Variants in ATP9B observed in about 807,000 individuals in gnomAD.
The protein encoded by ATP9B is ATPase phospholipid transporting 9B.
ATP9B carries 110 observed loss-of-function variants against 146.1 expected under a neutral mutation model. The observed-to-expected ratio is 0.75, with a 90% CI of 0.65 to 0.88. The LOEUF (loss-of-function observed/expected upper bound fraction) is 0.88. ATP9B is among the 40% of genes least tolerant of loss of function. ATP9B has a pLI of 0.00. For missense variants in ATP9B, 1,499 were observed against 1,496.4 expected, an observed-to-expected ratio of 1.00 and a Z score of -0.03; for synonymous variants, 604 against 569.7, an observed-to-expected ratio of 1.06 and a Z score of -0.86.
intron 5 of ATP9B, among the ~76,000 whole-genome samples, chr18:79,139,992 C>A (rs543686983): frequency 6.6e-6 from 1 of 152,138 alleles, no homozygotes; most frequent in Non-Finnish European, 1.5e-5. Context: ...TTAGTGGATA[C>A]TCAGATATTT....
intron 19 of ATP9B, among the ~76,000 whole-genome samples, chr18:79,339,209 A>G (rs955782937): frequency 8.4e-5 from 8 of 95,668 alleles, no homozygotes; most frequent in Admixed American, 8.3e-4. Context: ...TATCATATCC[A>G]TCTGAGATCA....
intron 6 of ATP9B, among the ~76,000 whole-genome samples, chr18:79,147,664 G>A (rs986146775): frequency 6.6e-6 from 1 of 152,034 alleles, no homozygotes; most frequent in Non-Finnish European, 1.5e-5. Context: ...AGTGGGATGC[G>A]TGTAAGGGCA....
At chr18:79,168,806 A>G (rs563719115) in intron 7 of ATP9B, among the ~76,000 whole-genome samples, 6 of 152,160 alleles carry the variant, frequency 3.9e-5, no homozygotes, top group South Asian at 2.1e-4. Flanking sequence ...TAGGAGTGCT[A>G]TGTCTGTTTC....
rs560683863 is a variant in ATP9B at position 79,303,827 on chromosome 18, T to C, written c.1524+111T>C. The C allele has an allele frequency of 6.2e-6, 4 of 648,922 alleles. No individual in the cohort carries two copies. In the South Asian group the frequency reaches 8.5e-5, roughly 14 times the overall value. 40.2% of individuals were successfully genotyped at this position (648,922 alleles called of 1,614,324 possible). The stretch of plus-strand genomic sequence containing the variant: ...AAATTAGCACGCTTCTTGGTGGTCT[T>C]AACATCCTGCTACTTCAGTCGTCTG... On this transcript the variant is annotated intron_variant, in intron 14 of 29. Transcript: ENST00000426216.
chr18:79,233,987 G>A (rs1454537860), intron 11 of ATP9B, among the ~76,000 whole-genome samples: 1 of 152,186 alleles, frequency 6.6e-6, no homozygotes, highest in East Asian at 1.9e-4. Flanking sequence ...TTCCAATTGA[G>A]TAGGCTGAGG....
intron 5 of ATP9B, among the ~76,000 whole-genome samples, chr18:79,128,486 A>C (rs1292188380): frequency 6.6e-6 from 1 of 152,080 alleles, no homozygotes; most frequent in Non-Finnish European, 1.5e-5. Flanking sequence ...TTCTCCATGG[A>C]GTTGAAAAAT....
rs1600483281 is a variant in ATP9B at position 79,372,199 on chromosome 18, CCCCTGCCTCCTGCCCCCTCG to C, written c.3013-625_3013-606del. ...GCTCCCCTGCCTCCTGCCCCCTCGT[CCCCTGCCTCCTGCCCCCTCG>C]TCCCCTGCCTCCTGCCCCCTCGTCC... is the stretch of plus-strand genomic sequence containing the variant. On this transcript the variant is annotated intron_variant, in intron 26 of 29. Coordinates refer to ENST00000426216, the MANE Select transcript of ATP9B (RefSeq NM_198531.5). Among the ~76,000 whole-genome samples the C allele has an allele frequency of 4.1e-5, 6 of 146,752 alleles. No individual in the cohort carries two copies. In the East Asian group the frequency reaches 1.2e-3, roughly 30 times the overall value.
At chr18:79,072,579 C>A (rs1378823574) in intron 1 of ATP9B, among the ~76,000 whole-genome samples, 1 of 117,992 alleles carries the variant, frequency 8.5e-6, no homozygotes, top group Non-Finnish European at 2.1e-5. Flanking sequence ...ACAATCTGAT[C>A]TCTCTTTCTT....
intron 17 of ATP9B, among the ~76,000 whole-genome samples, chr18:79,332,334 C>T (rs554023668): frequency 7.9e-5 from 12 of 152,308 alleles, no homozygotes; most frequent in South Asian, 2.1e-4. Flanking sequence ...GAGGCTGAGG[C>T]AGGAGAATGG....
chr18:79,343,262 C>T (rs1208681565), intron 20 of ATP9B, among the ~76,000 whole-genome samples: 1 of 152,026 alleles, frequency 6.6e-6, no homozygotes, highest in Admixed American at 6.6e-5. Context: ...GTTATAGCAC[C>T]ACAAATTAAA....
At chr18:79,185,217 A>T (rs1416829809) in intron 8 of ATP9B, among the ~76,000 whole-genome samples, 1 of 152,206 alleles carries the variant, frequency 6.6e-6, no homozygotes, top group African/African-American at 2.4e-5. Context: ...TTAAACGTGC[A>T]GTTATTGCAT....
chr18:79,299,596 T>A (rs116757520), intron 13 of ATP9B, among the ~76,000 whole-genome samples: 36 of 152,338 alleles, frequency 2.4e-4, no homozygotes, highest in African/African-American at 8.4e-4. Flanking sequence ...TGGGATTCTT[T>A]AGGAAAGGAA....
chr18:79,270,604 T>C (rs1456814051), intron 12 of ATP9B, among the ~76,000 whole-genome samples: 2 of 152,168 alleles, frequency 1.3e-5, no homozygotes, highest in East Asian at 3.9e-4. Context: ...AAACCCTAAT[T>C]TTATAGTTAT....
rs1337002961 is a variant in ATP9B, at chr18:79,307,114, T to G, written c.1653T>G (p.Cys551Trp). Residue 551 changes from cysteine (C) to tryptophan (W), a missense_variant, in exon 15 of 30, where the codon TGT (cysteine) becomes TGG (tryptophan). Physicochemically the swap from Cys to Trp is radical, Grantham distance 215. Transcript: ENST00000426216. ...IHEAVKAIVLCHNVTPVYESR... is the reference protein window; with the variant it reads ...IHEAVKAIVLWHNVTPVYESR... ...AAGCCGTGAAAGCCATCGTGCTGTGTCACAACGTGACCCCCGTGTATGAGT... is the reference window on the plus strand; with the variant it reads ...AAGCCGTGAAAGCCATCGTGCTGTGGCACAACGTGACCCCCGTGTATGAGT... The G allele has an allele frequency of 2.5e-6, 4 of 1,614,204 alleles. No homozygotes were observed. Among genetic ancestry groups the G allele is most frequent in the Non-Finnish European group, 3.4e-6 (4 of 1,180,036 alleles).
intron 26 of ATP9B, among the ~76,000 whole-genome samples, chr18:79,369,955 A>C (rs3927204): frequency 0.9 from 136,409 of 152,160 alleles, 61,309 homozygotes; most frequent in East Asian, 1. Flanking sequence ...AAAAATTAGC[A>C]GGGTGTGGTG....
At chr18:79,072,583 CTTT>C (rs1568355961) in intron 1 of ATP9B, among the ~76,000 whole-genome samples, 1 of 51,966 alleles carries the variant, frequency 1.9e-5, no homozygotes, top group Admixed American at 3.3e-4. Flanking sequence ...TCTGATCTCT[CTTT>C]CTTTTCCCGA....
intron 14 of ATP9B, among the ~76,000 whole-genome samples, chr18:79,304,109 G>A (rs903908149): frequency 6.6e-6 from 1 of 151,248 alleles, no homozygotes; most frequent in Non-Finnish European, 1.5e-5. Flanking sequence ...TTGCCTTTTC[G>A]GTAGATAAAA....
chr18:79,136,452 T>C (rs982409791), intron 5 of ATP9B, among the ~76,000 whole-genome samples: 3 of 152,188 alleles, frequency 2.0e-5, no homozygotes, highest in African/African-American at 7.2e-5. Context: ...TATTTTTTTA[T>C]GCTAGGGATT....
At chr18:79,315,148 C>T (rs1476083455) in intron 15 of ATP9B, among the ~76,000 whole-genome samples, 2 of 152,200 alleles carry the variant, frequency 1.3e-5, no homozygotes, top group Non-Finnish European at 2.9e-5. Context: ...TTGCAAGAAT[C>T]AGCTATAATT....
Sources: allele counts gnomAD v4.1 joint callset (sites outside exome capture counted in the v4.1 genomes callset), GRCh38; gene constraint gnomAD v4.1.1; transcripts MANE v1.5; gene names NCBI Gene and HGNC (gene_info 2026-07-23, HGNC 2026-07-21).